NFKB1: variants seen among roughly 807,000 people sequenced by gnomAD.
NFKB1 encodes nuclear factor NF-kappa-B p105 subunit.
In NFKB1, 9 loss-of-function variants were observed where a neutral mutation model predicts 105.1. That is an observed-to-expected ratio of 0.09 (90% CI 0.05 to 0.15). NFKB1 has a LOEUF of 0.15. Ranked by LOEUF, NFKB1 falls within the 10% of genes least tolerant of loss-of-function variation. NFKB1 has a pLI of 1.00. For synonymous variants in NFKB1, 440 were observed against 442.2 expected (o/e 1.00, Z 0.06); for missense variants, 830 against 1,203.7 (o/e 0.69, Z 4.59).
intron 5 of NFKB1, among the ~76,000 whole-genome samples, chr4:102,563,144 A>G (rs1023375322): frequency 1.3e-5 from 2 of 152,160 alleles, no homozygotes; most frequent in African/African-American, 4.8e-5. Context: ...AGGTAATTTG[A>G]CTAAGATTGG....
rs1706711162 is a variant in NFKB1 at position 102,617,163 on chromosome 4, G to T, written c.*569G>T. ...ATGGTTACAATCATTGCTGAAAATG[G>T]TATTTTCCCCCTTTTCTGCATTTTG... On this transcript the variant is annotated 3_prime_UTR_variant, in exon 24 of 24. Transcript: ENST00000226574. 1 of 148,314 alleles carries T rather than the reference G, an allele frequency of 6.7e-6. No individual in the cohort carries two copies. The highest frequency in any genetic ancestry group is 2.2e-4 in the South Asian group (1 of 4,644). The allele number at this position is 148,314 out of a possible 1,614,324, so 9.2% of individuals were successfully genotyped here.
chr4:102,505,364 A>G (rs892413184), intron 1 of NFKB1, among the ~76,000 whole-genome samples: 2 of 152,272 alleles, frequency 1.3e-5, no homozygotes, highest in African/African-American at 4.8e-5. Context: ...CATTTTAAAA[A>G]GAAAACAATT....
intron 19 of NFKB1, among the ~76,000 whole-genome samples, chr4:102,610,250 C>T (rs1319006625): frequency 6.6e-6 from 1 of 152,180 alleles, no homozygotes; most frequent in African/African-American, 2.4e-5. Context: ...ATCATGCTGT[C>T]CATCAGCCCT....
intron 22 of NFKB1, 37 bp downstream of exon 22, chr4:102,612,643 T>C: frequency 1.3e-6 from 2 of 1,582,110 alleles, no homozygotes; most frequent in South Asian, 1.1e-5. Flanking sequence ...AATTTTCATT[T>C]GACTTTACTC....
At chr4:102,551,849 G>A (rs1163757104) in intron 5 of NFKB1, among the ~76,000 whole-genome samples, 2 of 152,164 alleles carry the variant, frequency 1.3e-5, no homozygotes, top group African/African-American at 2.4e-5. Flanking sequence ...TTTGAAAGCT[G>A]AGACAATGGA....
chr4:102,582,022 A>G (rs1024201854), intron 9 of NFKB1, among the ~76,000 whole-genome samples: 3 of 152,232 alleles, frequency 2.0e-5, no homozygotes, highest in African/African-American at 7.2e-5. Context: ...AAGTGAAGCC[A>G]GGAAGATGCC....
At chr4:102,605,477 G>A (rs1578824907) in intron 16 of NFKB1, among the ~76,000 whole-genome samples, 1 of 152,150 alleles carries the variant, frequency 6.6e-6, no homozygotes, top group East Asian at 1.9e-4. Flanking sequence ...AAGACTGGCT[G>A]GATGTCATAG....
intron 1 of NFKB1, among the ~76,000 whole-genome samples, chr4:102,522,683 A>C (rs930714461): frequency 6.6e-6 from 1 of 152,212 alleles, no homozygotes; most frequent in Non-Finnish European, 1.5e-5. Flanking sequence ...TATAATTAAC[A>C]CATCAACAGC....
At chr4:102,587,733 A>G (rs1725832403) in intron 11 of NFKB1, among the ~76,000 whole-genome samples, 1 of 152,190 alleles carries the variant, frequency 6.6e-6, no homozygotes, top group South Asian at 2.1e-4. Flanking sequence ...CTCTGAAGGA[A>G]AGAATGGACA....
chr4:102,569,929 C>T (rs776737295), intron 6 of NFKB1, among the ~76,000 whole-genome samples: 4 of 152,032 alleles, frequency 2.6e-5, no homozygotes, highest in African/African-American at 4.8e-5. Context: ...TTAGCCTTTA[C>T]TGCCTTTCTT....
chr4:102,530,701 T>C (rs554289547), intron 3 of NFKB1, among the ~76,000 whole-genome samples: 2 of 152,306 alleles, frequency 1.3e-5, no homozygotes, highest in East Asian at 1.9e-4. Context: ...CTTGTCTTCA[T>C]TGGGGGACTT....
At position 102,570,150 on chromosome 4, in the gene NFKB1, A is replaced by G. The variant is rs563384813; in HGVS notation, c.407+3015A>G. Among the ~76,000 whole-genome samples, 7 of 152,244 alleles carry G rather than the reference A, an allele frequency of 4.6e-5. No homozygotes were observed. The East Asian group carries it at 7.7e-4, about 17-fold the overall frequency. ...TTTAGAGACATGGAATTTTTTTCCA[A>G]TTAATACATATAGCATATACCAACT... On this transcript the variant is annotated intron_variant, in intron 6 of 23. Coordinates refer to ENST00000226574, the MANE Select transcript of NFKB1 (RefSeq NM_003998.4).
chr4:102,583,827 T>C (rs1725503295), intron 10 of NFKB1, among the ~76,000 whole-genome samples: 1 of 152,204 alleles, frequency 6.6e-6, no homozygotes, highest in Admixed American at 6.5e-5. Context: ...AATCCAGATA[T>C]TCATCAGTAA....
intron 5 of NFKB1, among the ~76,000 whole-genome samples, chr4:102,566,044 G>A (rs1578769887): frequency 6.6e-6 from 1 of 152,248 alleles, no homozygotes; most frequent in East Asian, 1.9e-4. Context: ...GGATTTAAGA[G>A]GGTTAAAATA....
In NFKB1 at chr4:102,501,742, G is replaced by C. The variant is rs967694050; in HGVS notation, c.-54G>C. On this transcript the variant is annotated 5_prime_UTR_variant, in exon 1 of 24. Transcript: ENST00000226574. ...CCGGCAGGCCCGCGCCGCTTAGGAG[G>C]GAGAGCCCACCCGCGCCAGGAGGCC... The C allele has an allele frequency of 2.6e-5, 4 of 152,232 alleles. No individual in the cohort carries two copies. The highest frequency in any genetic ancestry group is 2.0e-4 in the Admixed American group (3 of 15,274). The allele number at this position is 152,232 out of a possible 1,614,324, so 9.4% of individuals were successfully genotyped here. A position where few individuals can be genotyped will look rare whatever the true frequency, so the allele number is the denominator to read the frequency against.
intron 7 of NFKB1, chr4:102,577,725 C>T: frequency 1.5e-6 from 1 of 667,610 alleles, no homozygotes; most frequent in Non-Finnish European, 1.9e-6. Context: ...TACCCAGACT[C>T]AAAACCTTCC....
At chr4:102,515,484 C>G (rs1120986) in intron 1 of NFKB1, among the ~76,000 whole-genome samples, 92,551 of 151,996 alleles carry the variant, frequency 0.61, 29,012 homozygotes, top group African/African-American at 0.76. Context: ...TGTGCTATCT[C>G]TTCTTTATTC....
At chr4:102,527,144 T>C (rs1015796156) in intron 2 of NFKB1, among the ~76,000 whole-genome samples, 2 of 152,196 alleles carry the variant, frequency 1.3e-5, no homozygotes, top group East Asian at 1.9e-4. Flanking sequence ...AAATAAGTGA[T>C]ATATACACTC....
intron 1 of NFKB1, among the ~76,000 whole-genome samples, chr4:102,519,294 A>G (rs1740411644): frequency 1.4e-5 from 2 of 147,780 alleles, no homozygotes; most frequent in Admixed American, 1.4e-4. Context: ...ATATAAGTAT[A>G]TTATATATTA....
Sources: allele counts gnomAD v4.1 joint callset (sites outside exome capture counted in the v4.1 genomes callset), GRCh38; gene constraint gnomAD v4.1.1; transcripts MANE v1.5; gene names NCBI Gene and HGNC (gene_info 2026-07-23, HGNC 2026-07-21).